FIP1L1: variants seen among roughly 807,000 people sequenced by gnomAD.
FIP1L1 encodes pre-mRNA 3'-end-processing factor FIP1.
A neutral mutation model predicts 84.6 loss-of-function variants in FIP1L1; 21 were observed. That is an observed-to-expected ratio of 0.25 (90% CI 0.18 to 0.36). FIP1L1 has a LOEUF of 0.36. Among genes scored for constraint, FIP1L1 ranks in the 10% least tolerant of loss-of-function variants. FIP1L1 has a pLI of 1.00. For synonymous variants in FIP1L1, 263 were observed against 242.3 expected (o/e 1.09, Z -0.80); for missense variants, 526 against 751.1 (o/e 0.70, Z 3.50).
chr4:53,439,036 A>G (rs1190276872), intron 13 of FIP1L1, among the ~76,000 whole-genome samples: 2 of 152,132 alleles, frequency 1.3e-5, no homozygotes, highest in Non-Finnish European at 2.9e-5. Flanking sequence ...GAAAATAATC[A>G]TGTATTTACT....
At position 53,440,590 on chromosome 4, in the gene FIP1L1, A is replaced by G. The variant is rs1485676787; in HGVS notation, c.1175-2063A>G. 5 of 1,521,388 alleles carry G rather than the reference A, an allele frequency of 3.3e-6. No homozygotes were observed. The South Asian group carries it at 3.5e-5, about 11-fold the overall frequency. 94.2% of individuals were successfully genotyped at this position (1,521,388 alleles called of 1,614,324 possible). A position where few individuals can be genotyped will look rare whatever the true frequency, so the allele number is the denominator to read the frequency against. On this transcript the variant is annotated intron_variant, in intron 13 of 17. Coordinates refer to ENST00000337488, the MANE Select transcript of FIP1L1 (RefSeq NM_030917.4). ...CATCACTTGTTTTTTAGGTATTCCAATAACTGTACCACCTCCAGGTAAAAC... is the reference window on the plus strand; with the variant it reads ...CATCACTTGTTTTTTAGGTATTCCAGTAACTGTACCACCTCCAGGTAAAAC...
intron 13 of FIP1L1, among the ~76,000 whole-genome samples, chr4:53,431,916 C>T (rs1766863024): frequency 6.6e-6 from 1 of 152,180 alleles, no homozygotes; most frequent in Admixed American, 6.5e-5. Flanking sequence ...CCCTTAAACA[C>T]ACACCTGCAA....
chr4:53,403,775 A>G (rs139667388), intron 10 of FIP1L1, among the ~76,000 whole-genome samples: 6 of 152,136 alleles, frequency 3.9e-5, no homozygotes, highest in Non-Finnish European at 4.4e-5. Context: ...CTGTTGCCCA[A>G]TGCCGGCTGC....
At chr4:53,442,482 G>A (rs1477929881) in intron 13 of FIP1L1, 171 bp from the exon 14 acceptor site, 12 of 560,176 alleles carry the variant, frequency 2.1e-5, no homozygotes, top group Middle Eastern at 4.1e-4. Context: ...GTTTTATTGC[G>A]CTAAAAATCT....
At chr4:53,396,483 G>T (rs764645990) in intron 9 of FIP1L1, among the ~76,000 whole-genome samples, 1 of 151,898 alleles carries the variant, frequency 6.6e-6, no homozygotes, top group South Asian at 2.1e-4. Flanking sequence ...TTGGCTCACT[G>T]AAACCTCCAC....
intron 11 of FIP1L1, among the ~76,000 whole-genome samples, chr4:53,423,901 A>G (rs558830632): frequency 1.3e-5 from 2 of 152,320 alleles, no homozygotes; most frequent in South Asian, 2.1e-4. Context: ...GAATACTTCC[A>G]TGTGTCCCAG....
rs1766905163 is a variant in FIP1L1, at chr4:53,432,015, A to G, written c.1174+3832A>G. Among the ~76,000 whole-genome samples, 4 of 152,154 alleles carry G rather than the reference A, an allele frequency of 2.6e-5. No individual in the cohort carries two copies. In the South Asian group the frequency reaches 8.3e-4, roughly 32 times the overall value. On this transcript the variant is annotated intron_variant, in intron 13 of 17. Coordinates refer to ENST00000337488, the MANE Select transcript of FIP1L1 (RefSeq NM_030917.4). ...TATGAAGAGTAGAGGAGATTTATGT[A>G]TTAGAATACAACAAAGAAGGAAGAG...
rs964273638 is a variant in FIP1L1 at position 53,446,197 on chromosome 4, C to A, written c.1285+2094C>A. On this transcript the variant is annotated intron_variant, in intron 15 of 17. Transcript: ENST00000337488. ...AATGACTATGTTTCTTCCCCTTCTC[C>A]CCTTTTTTTTTTGCTAGATATTTAA... Among the ~76,000 whole-genome samples the A allele has an allele frequency of 2.9e-5, 4 of 139,060 alleles. No homozygotes were observed. The East Asian group carries it at 9.2e-4, about 32-fold the overall frequency. 91.2% of individuals were successfully genotyped at this position (139,060 alleles called of 152,430 possible).
chr4:53,451,073 G>A (rs1260041029), intron 15 of FIP1L1, among the ~76,000 whole-genome samples: 5 of 149,988 alleles, frequency 3.3e-5, no homozygotes, highest in African/African-American at 7.4e-5. Flanking sequence ...CAATTCCTCT[G>A]CCTGCCTCAG....
At chr4:53,389,756 T>G in intron 5 of FIP1L1, 53 bp from the exon 6 acceptor site, 3 of 1,409,050 alleles carry the variant, frequency 2.1e-6, no homozygotes, top group Non-Finnish European at 3.0e-6. Flanking sequence ...TATTACTGTT[T>G]TGTTTAAGCT....
intron 9 of FIP1L1, 128 bp downstream of exon 9, chr4:53,391,626 T>A: frequency 1.5e-6 from 1 of 647,046 alleles, no homozygotes; most frequent in Non-Finnish European, 2.7e-6. Flanking sequence ...AGCTTCCTGG[T>A]GACTTACAAA....
chr4:53,457,454 T>A lies in FIP1L1; in HGVS notation c.1500-1199T>A, dbSNP rs1579268687. On this transcript the variant is annotated intron_variant, in intron 16 of 17. Coordinates refer to ENST00000337488, the MANE Select transcript of FIP1L1 (RefSeq NM_030917.4). ...TTAATACATTTTCTGTTTTTTTAAA[T>A]AAGATTCTAAAATTTTAATGTATCA... Among the ~76,000 whole-genome samples the A allele has an allele frequency of 2.6e-5, 4 of 152,242 alleles. No homozygotes were observed. In the East Asian group the frequency reaches 7.7e-4, roughly 29 times the overall value.
chr4:53,407,372 A>G (rs1754198533), intron 10 of FIP1L1, among the ~76,000 whole-genome samples: 2 of 152,120 alleles, frequency 1.3e-5, no homozygotes, highest in Admixed American at 6.5e-5. Context: ...GTGGTCTGAG[A>G]GACAGTTTGT....
chr4:53,397,398 CA>C (rs1452046310), intron 9 of FIP1L1, among the ~76,000 whole-genome samples: 2 of 152,114 alleles, frequency 1.3e-5, no homozygotes, highest in Non-Finnish European at 2.9e-5. Flanking sequence ...CCAAGTGGTC[CA>C]AAAACACCGT....
chr4:53,389,066 A>T (rs906416096), intron 5 of FIP1L1, among the ~76,000 whole-genome samples: 7 of 152,224 alleles, frequency 4.6e-5, no homozygotes, highest in African/African-American at 1.7e-4. Context: ...ATGAAACATA[A>T]TTGGCATCCT....
chr4:53,433,351 C>G (rs1056575210), intron 13 of FIP1L1, among the ~76,000 whole-genome samples: 2 of 152,158 alleles, frequency 1.3e-5, no homozygotes, highest in African/African-American at 4.8e-5. Context: ...TTTCCTTATT[C>G]TAGGTACCTC....
In FIP1L1 at chr4:53,459,460, G is replaced by A; in HGVS notation, c.*11G>A. 3.7e-6 allele frequency: 6 copies of A among 1,613,094 alleles called. No individual in the cohort carries two copies. Among genetic ancestry groups the A allele is most frequent in the Non-Finnish European group, 5.1e-6 (6 of 1,179,404 alleles). Reference sequence around the variant, plus strand: ...ACACCTGCAGAATAGGCATGGTTTTGGCCTTTTGTGTATATTAGTACCAGA... The same window carrying A: ...ACACCTGCAGAATAGGCATGGTTTTAGCCTTTTGTGTATATTAGTACCAGA... On this transcript the variant is annotated 3_prime_UTR_variant, in exon 18 of 18. Transcript: ENST00000337488.
rs1200139409 is a variant in FIP1L1, at chr4:53,410,323, A to C, written c.816-4292A>C. ...TGCTTCAAATGCCTAACAACTGTAGAATGGTCGTTGAGTTCTTCGACAGCT... is the reference window on the plus strand; with the variant it reads ...TGCTTCAAATGCCTAACAACTGTAGCATGGTCGTTGAGTTCTTCGACAGCT... On this transcript the variant is annotated intron_variant, in intron 10 of 17. Transcript: ENST00000337488. Among the ~76,000 whole-genome samples, 3 of 152,192 alleles carry C rather than the reference A, an allele frequency of 2.0e-5. No individual in the cohort carries two copies. In the South Asian group the frequency reaches 6.2e-4, roughly 31 times the overall value.
chr4:53,441,369 C>T (rs1402776657), intron 13 of FIP1L1, among the ~76,000 whole-genome samples: 2 of 151,752 alleles, frequency 1.3e-5, no homozygotes, highest in African/African-American at 4.8e-5. Flanking sequence ...GTACAGTATA[C>T]ATACTTAGAT....
Sources: allele counts gnomAD v4.1 joint callset (sites outside exome capture counted in the v4.1 genomes callset), GRCh38; gene constraint gnomAD v4.1.1; transcripts MANE v1.5; gene names NCBI Gene and HGNC (gene_info 2026-07-23, HGNC 2026-07-21).